ZYG11B: variants seen among roughly 807,000 people sequenced by gnomAD.
The protein encoded by ZYG11B is protein zyg-11 homolog B.
ZYG11B carries 36 observed loss-of-function variants against 82.4 expected under a neutral mutation model. The ratio of observed to expected loss-of-function variants is 0.44; its 90% confidence interval spans 0.33 to 0.58. ZYG11B has a LOEUF of 0.58. ZYG11B is among the 20% of genes least tolerant of loss of function. ZYG11B has a pLI of 0.02. For synonymous variants in ZYG11B, 303 were observed against 312.8 expected (o/e 0.97, Z 0.33); for missense variants, 552 against 895.6 (o/e 0.62, Z 4.90).
At chr1:52,735,818 C>T (rs1446911038) in intron 1 of ZYG11B, among the ~76,000 whole-genome samples, 1 of 152,120 alleles carries the variant, frequency 6.6e-6, no homozygotes, top group African/African-American at 2.4e-5. Context: ...TTTTAAATTC[C>T]TCCCTATTGT....
intron 10 of ZYG11B, among the ~76,000 whole-genome samples, chr1:52,811,033 CAAA>C (rs747809612): frequency 2.0e-4 from 8 of 40,800 alleles, no homozygotes; most frequent in African/African-American, 5.3e-4. Flanking sequence ...GGCTCCGTCT[CAAA>C]AAAAAAAAAA....
In ZYG11B at chr1:52,774,364, A is replaced by G. The variant is rs372370411; in HGVS notation, c.951+2590A>G. 8.7e-5 allele frequency among the ~76,000 whole-genome samples: 13 copies of G among 149,562 alleles called. No individual in the cohort carries two copies. The East Asian group carries it at 2.2e-3, about 25-fold the overall frequency. On this transcript the variant is annotated intron_variant, in intron 3 of 13. Transcript: ENST00000294353. ...GCTCCGTCACCCAGGCTGGAGTGCA[A>G]TGGCGTGATCTCGGCTCACAGCAAC...
chr1:52,767,111 GTTGTTATT>G (rs1191224592), intron 2 of ZYG11B, among the ~76,000 whole-genome samples: 9 of 143,450 alleles, frequency 6.3e-5, no homozygotes, highest in African/African-American at 2.4e-4. Context: ...TATGTTTTAT[GTTGTTATT>G]TTATTTTATT....
chr1:52,744,836 A>G (rs1284139207), intron 1 of ZYG11B, among the ~76,000 whole-genome samples: 2 of 152,142 alleles, frequency 1.3e-5, no homozygotes, highest in Admixed American at 6.6e-5. Flanking sequence ...GCGAGACTCC[A>G]TATCAAAAAA....
intron 8 of ZYG11B, among the ~76,000 whole-genome samples, chr1:52,797,760 C>T (rs946389099): frequency 4.0e-5 from 6 of 150,724 alleles, no homozygotes; most frequent in Admixed American, 2.6e-4. Flanking sequence ...CCGCCCACCT[C>T]GGCCTCCCAA....
rs138816305 is a variant in ZYG11B, at chr1:52,740,604, C to T, written c.30+13921C>T. ...TTTTTTTGAGACAGGGTCTCTGTCA[C>T]CCAGGCTGGGTGCAAGTGGCACCAT... is the stretch of plus-strand genomic sequence containing the variant. On this transcript the variant is annotated intron_variant, in intron 1 of 13. Coordinates refer to ENST00000294353, the MANE Select transcript of ZYG11B (RefSeq NM_024646.3). Among the ~76,000 whole-genome samples, 1,142 of 147,358 alleles carry T rather than the reference C, an allele frequency of 7.7e-3. 20 individuals are homozygous for T. Among genetic ancestry groups the T allele is most frequent in the African/African-American group, 0.028 (1,097 of 39,304 alleles).
intron 4 of ZYG11B, among the ~76,000 whole-genome samples, chr1:52,780,760 C>T (rs186501153): frequency 1.3e-5 from 2 of 152,328 alleles, no homozygotes; most frequent in East Asian, 1.9e-4. Flanking sequence ...GTGTACATCA[C>T]AGCACCTAGC....
At position 52,806,949 on chromosome 1, in the gene ZYG11B, A is replaced by T. The variant is rs182280463; in HGVS notation, c.1695+4810A>T. Among the ~76,000 whole-genome samples, 859 of 151,466 alleles carry T rather than the reference A, an allele frequency of 5.7e-3. 8 individuals are homozygous for T. Among genetic ancestry groups the T allele is most frequent in the Non-Finnish European group, 8.2e-3 (553 of 67,820 alleles). ...AGTGGTGTGATCTCAGCTCGCTGCA[A>T]CCTCCACCTCCCGGGTTCAAGTGAT... On this transcript the variant is annotated intron_variant, in intron 10 of 13. Coordinates refer to ENST00000294353, the MANE Select transcript of ZYG11B (RefSeq NM_024646.3).
At chr1:52,795,332 C>T (rs1355693146) in intron 6 of ZYG11B, among the ~76,000 whole-genome samples, 1 of 152,094 alleles carries the variant, frequency 6.6e-6, no homozygotes, top group African/African-American at 2.4e-5. Flanking sequence ...GAGGCCTTCC[C>T]AGTGGTGCTT....
At position 52,762,983 on chromosome 1, in the gene ZYG11B, G is replaced by GT. The variant is rs1231499419; in HGVS notation, c.196+6360_196+6361insT. 2.8e-5 allele frequency among the ~76,000 whole-genome samples: 4 copies of GT among 141,274 alleles called. No homozygotes were observed. In the East Asian group the frequency reaches 9.2e-4, roughly 33 times the overall value. 92.7% of individuals were successfully genotyped at this position (141,274 alleles called of 152,430 possible). A position where few individuals can be genotyped will look rare whatever the true frequency, so the allele number is the denominator to read the frequency against. On this transcript the variant is annotated intron_variant, in intron 2 of 13. Coordinates refer to ENST00000294353, the MANE Select transcript of ZYG11B (RefSeq NM_024646.3). ...TTTGTAAAGGTGAGAGATTGGGGGG[G>GT]GGGGGTCTAGTTTCATTCTTTTGTC...
chr1:52,796,813 C>T lies in ZYG11B; in HGVS notation c.1485+29C>T, dbSNP rs372645242. The T allele has an allele frequency of 1.2e-5, 17 of 1,388,224 alleles. No homozygotes were observed. The African/African-American group carries it at 1.6e-4, about 13-fold the overall frequency. The allele number at this position is 1,388,224 out of a possible 1,614,324, so 86.0% of individuals were successfully genotyped here. On this transcript the variant is annotated intron_variant, in intron 8 of 13. Transcript: ENST00000294353. ...AGTCTATAATCTCCTCCATTCAGGC[C>T]ACTAGATATTCATGTTTATTGTTTT...
chr1:52,784,872 TCCAGC>T lies in ZYG11B; in HGVS notation c.1093-4_1093del, dbSNP rs1571777142. The T allele has an allele frequency of 1.1e-5, 18 of 1,611,424 alleles. No individual in the cohort carries two copies. In the Admixed American group the frequency reaches 1.9e-4, roughly 17 times the overall value. On this transcript the variant is annotated splice_acceptor_variant and splice_polypyrimidine_tract_variant and coding_sequence_variant and intron_variant, in exon 5 of 14. Coordinates refer to ENST00000294353, the MANE Select transcript of ZYG11B (RefSeq NM_024646.3). LOFTEE classifies it high-confidence loss of function. ...GAATTAAGAGGACTAATTTTTTTTT[TCCAGC>T]TTGTGGTTACTGGGATGAGAAACCA...
intron 6 of ZYG11B, among the ~76,000 whole-genome samples, chr1:52,791,121 G>A (rs1644955564): frequency 6.6e-6 from 1 of 151,806 alleles, no homozygotes; most frequent in South Asian, 2.1e-4. Context: ...ACAGGCATGT[G>A]CCACCACGCT....
intron 3 of ZYG11B, among the ~76,000 whole-genome samples, chr1:52,776,229 A>AAAAAAAAAAAAAAAAAAATATAT: frequency 4.2e-5 from 1 of 23,540 alleles, no homozygotes; most frequent in African/African-American, 9.5e-5. Flanking sequence ...TAAAAAAAAA[A>AAAAAAAAAAAAAAAAAAATATAT]ATATATATAT....
At chr1:52,744,244 A>G (rs541453212) in intron 1 of ZYG11B, among the ~76,000 whole-genome samples, 5 of 152,084 alleles carry the variant, frequency 3.3e-5, no homozygotes, top group African/African-American at 1.2e-4. Context: ...GCCTTTTTCT[A>G]TGTTTAGATT....
intron 3 of ZYG11B, among the ~76,000 whole-genome samples, chr1:52,774,609 ATTTTTTTTT>A (rs35043109): frequency 2.7e-5 from 3 of 111,144 alleles, no homozygotes; most frequent in East Asian, 2.7e-4. Flanking sequence ...GCCTGGCCTA[ATTTTTTTTT>A]TTTTTTTTTT....
chr1:52,804,578 A>G (rs920646271), intron 10 of ZYG11B, among the ~76,000 whole-genome samples: 2 of 151,898 alleles, frequency 1.3e-5, no homozygotes, highest in African/African-American at 4.8e-5. Context: ...GCACCATTGC[A>G]CTCTAGCCTG....
chr1:52,784,623 A>G (rs1205210542), intron 4 of ZYG11B, among the ~76,000 whole-genome samples: 1 of 152,152 alleles, frequency 6.6e-6, no homozygotes, highest in African/African-American at 2.4e-5. Context: ...AAATACAAAG[A>G]TGAGTGACCT....
chr1:52,807,057 TG>T (rs1645146909), intron 10 of ZYG11B, among the ~76,000 whole-genome samples: 1 of 151,922 alleles, frequency 6.6e-6, no homozygotes, highest in Admixed American at 6.6e-5. Flanking sequence ...TTAGTAGAGA[TG>T]GGGTTTTGCC....
Sources: gnomAD v4.1 joint callset for allele counts (sites outside exome capture counted in the v4.1 genomes callset) on GRCh38, gnomAD v4.1.1 for gene constraint, MANE v1.5 for transcripts, NCBI Gene and HGNC (gene_info 2026-07-23, HGNC 2026-07-21) for gene names.